DENND1A: variants seen among roughly 807,000 people sequenced by gnomAD.
DENND1A encodes the protein DENN domain-containing protein 1A.
In DENND1A, 51 loss-of-function variants were observed where a neutral mutation model predicts 113.7. The observed-to-expected ratio is 0.45, with a 90% CI of 0.36 to 0.57. The LOEUF (loss-of-function observed/expected upper bound fraction) is 0.57. Among genes scored for constraint, DENND1A ranks in the 20% least tolerant of loss-of-function variants. DENND1A has a pLI of 0.00. For synonymous variants in DENND1A, 565 were observed against 570.8 expected, an observed-to-expected ratio of 0.99 and a Z score of 0.14; for missense variants, 1,258 against 1,395.9, an observed-to-expected ratio of 0.90 and a Z score of 1.57.
chr9:123,477,911 C>T (rs982255600), intron 13 of DENND1A, among the ~76,000 whole-genome samples: 2 of 152,086 alleles, frequency 1.3e-5, no homozygotes, highest in African/African-American at 2.4e-5. Flanking sequence ...GTTGATAGAA[C>T]GTGAACACAT....
intron 5 of DENND1A, among the ~76,000 whole-genome samples, chr9:123,718,926 G>A (rs550393984): frequency 6.6e-6 from 1 of 152,272 alleles, no homozygotes; most frequent in East Asian, 1.9e-4. Flanking sequence ...TGGACCCGGT[G>A]GGAGATAACT....
intron 5 of DENND1A, among the ~76,000 whole-genome samples, chr9:123,754,297 A>T (rs1354932286): frequency 6.6e-6 from 1 of 152,186 alleles, no homozygotes; most frequent in African/African-American, 2.4e-5. Context: ...TCAACCAGTC[A>T]TCCAGCTTTA....
At chr9:123,902,942 A>G (rs78832257) in intron 1 of DENND1A, among the ~76,000 whole-genome samples, 5,780 of 152,228 alleles carry the variant, frequency 0.038, 113 homozygotes, top group Middle Eastern at 0.048. Flanking sequence ...GGAATATAAT[A>G]ATATCCAAAA....
chr9:123,388,818 T>C (rs1020739093), intron 21 of DENND1A, among the ~76,000 whole-genome samples: 1 of 152,196 alleles, frequency 6.6e-6, no homozygotes, highest in Non-Finnish European at 1.5e-5. Context: ...TCCCGGCCCT[T>C]GTGCTGGGGA....
intron 5 of DENND1A, among the ~76,000 whole-genome samples, chr9:123,718,583 G>A (rs1389165483): frequency 6.6e-6 from 1 of 152,176 alleles, no homozygotes; most frequent in East Asian, 1.9e-4. Context: ...GCCTCCTGTA[G>A]ATTCACAGTG....
At chr9:123,614,200 G>A (rs534406972) in intron 10 of DENND1A, among the ~76,000 whole-genome samples, 15 of 152,322 alleles carry the variant, frequency 9.8e-5, no homozygotes, top group African/African-American at 2.4e-4. Flanking sequence ...TGGTGAAGCC[G>A]TACTTCAGAC....
chr9:123,582,004 G>T (rs555110308), intron 12 of DENND1A, among the ~76,000 whole-genome samples: 33 of 152,352 alleles, frequency 2.2e-4, no homozygotes, highest in Middle Eastern at 6.8e-3. Flanking sequence ...TGTATAGGCA[G>T]ATGTTAGCAT....
At chr9:123,820,124 C>A (rs1326909688) in intron 2 of DENND1A, among the ~76,000 whole-genome samples, 2 of 152,102 alleles carry the variant, frequency 1.3e-5, no homozygotes, top group African/African-American at 4.8e-5. Flanking sequence ...GAAAGAGGCA[C>A]ATAGAGGGCT....
intron 3 of DENND1A, 38 bp from the exon 4 acceptor site, chr9:123,769,601 G>A: frequency 6.4e-7 from 1 of 1,556,528 alleles, no homozygotes; most frequent in Non-Finnish European, 8.7e-7. Flanking sequence ...ACATCTAATG[G>A]GACCAGTAAA....
At chr9:123,447,562 G>A (rs2132565736) in intron 18 of DENND1A, among the ~76,000 whole-genome samples, 1 of 152,322 alleles carries the variant, frequency 6.6e-6, no homozygotes, top group East Asian at 1.9e-4. Context: ...AGGCGAGGGT[G>A]AAGAGGGCAA....
intron 2 of DENND1A, among the ~76,000 whole-genome samples, chr9:123,809,167 G>GCA (rs760514084): frequency 2.0e-5 from 3 of 152,172 alleles, no homozygotes; most frequent in Non-Finnish European, 2.9e-5. Flanking sequence ...CATGACTGAT[G>GCA]CACTGCCCCC....
chr9:123,486,587 T>A (rs1429658167), intron 13 of DENND1A, among the ~76,000 whole-genome samples: 1 of 152,106 alleles, frequency 6.6e-6, no homozygotes. Flanking sequence ...AGGAGCCTCT[T>A]GGAAAGTTGG....
intron 3 of DENND1A, among the ~76,000 whole-genome samples, chr9:123,780,149 CA>C (rs1409202281): frequency 6.6e-6 from 1 of 152,210 alleles, no homozygotes; most frequent in Non-Finnish European, 1.5e-5. Context: ...CCACCATGCC[CA>C]GTCTTGCACA....
intron 2 of DENND1A, among the ~76,000 whole-genome samples, chr9:123,847,012 T>C (rs1015645469): frequency 1.3e-5 from 2 of 152,222 alleles, no homozygotes; most frequent in East Asian, 3.8e-4. Flanking sequence ...GTTTTTTGTT[T>C]GTTTTCATTT....
At chr9:123,630,814 G>A (rs2061442944) in intron 9 of DENND1A, among the ~76,000 whole-genome samples, 1 of 152,094 alleles carries the variant, frequency 6.6e-6, no homozygotes, top group African/African-American at 2.4e-5. Flanking sequence ...ATACAATTAG[G>A]ATGACTATAC....
intron 2 of DENND1A, among the ~76,000 whole-genome samples, chr9:123,818,349 C>G (rs1335830669): frequency 1.3e-5 from 2 of 152,020 alleles, no homozygotes; most frequent in South Asian, 2.1e-4. Context: ...TATGATCCGC[C>G]CGCCTAGGCC....
intron 21 of DENND1A, among the ~76,000 whole-genome samples, chr9:123,397,463 G>C (rs535115575): frequency 6.6e-6 from 1 of 152,272 alleles, no homozygotes; most frequent in East Asian, 1.9e-4. Context: ...CTAGAATAAG[G>C]ATATTTACCC....
chr9:123,489,071 TACACAC>T (rs144964204), intron 13 of DENND1A, among the ~76,000 whole-genome samples: 2 of 149,656 alleles, frequency 1.3e-5, no homozygotes, highest in Admixed American at 1.3e-4. Flanking sequence ...TTCCCTCTGT[TACACAC>T]ACACACACAC....
At chr9:123,554,986 T>C (rs2057338828) in intron 13 of DENND1A, among the ~76,000 whole-genome samples, 2 of 152,262 alleles carry the variant, frequency 1.3e-5, no homozygotes, top group Non-Finnish European at 2.9e-5. Context: ...ATACTCAGTA[T>C]ACTCCAGTGT....
Sources: gnomAD v4.1 joint callset for allele counts (sites outside exome capture counted in the v4.1 genomes callset) on GRCh38, gnomAD v4.1.1 for gene constraint, MANE v1.5 for transcripts, NCBI Gene and HGNC (gene_info 2026-07-23, HGNC 2026-07-21) for gene names.